The following HM13 variants were observed in gnomAD, a reference collection of about 807,000 sequenced individuals.
HM13 encodes the protein signal peptide peptidase.
A neutral mutation model predicts 50.0 loss-of-function variants in HM13; 18 were observed. The ratio of observed to expected loss-of-function variants is 0.36; its 90% CI spans 0.25 to 0.53. The LOEUF is 0.53. Among genes scored for constraint, HM13 ranks in the 20% least tolerant of loss-of-function variants. HM13 has a pLI of 0.90. For missense variants in HM13, 393 were observed against 552.4 expected (o/e 0.71, Z 2.89); for synonymous variants, 197 against 232.6 (o/e 0.85, Z 1.39).
chr20:31,569,432 A>G lies in HM13; in HGVS notation c.*213A>G. The stretch of plus-strand genomic sequence containing the variant: ...CCTCCCCACACCCTGCAGGCAAAAG[A>G]AACCCCCAGCTTCCCCCCTCCCCGG... On this transcript the variant is annotated 3_prime_UTR_variant, in exon 13 of 13. Transcript: ENST00000398174. The G allele has an allele frequency of 2.4e-6, 1 of 417,380 alleles. No homozygotes were observed. The highest frequency in any genetic ancestry group is 6.8e-5 in the South Asian group (1 of 14,692). 25.9% of individuals were successfully genotyped at this position (417,380 alleles called of 1,614,324 possible).
rs1175223434 is a variant in HM13, at chr20:31,569,203, A to C, written c.1265A>C (p.Glu422Ala). 2.5e-6 allele frequency: 4 copies of C among 1,591,462 alleles called. No individual in the cohort carries two copies. Among genetic ancestry groups the C allele is most frequent in the Non-Finnish European group, 3.4e-6 (4 of 1,168,240 alleles). ...GAGGCATCAGCATCGAAGGGGCTGG[A>C]GAAGAAAGAGAAATGATGCAGCTGG... ...GTEASASKGLEKKEK is the reference protein window; with the variant it reads ...GTEASASKGLAKKEK Residue 422 changes from glutamate (E) to alanine (A), a missense_variant, in exon 13 of 13, where the codon GAG becomes GCG. This residue lies in a region of HM13 where 105 missense variants were observed against 115.9 expected (regional missense o/e 0.91). Transcript: ENST00000398174.
At chr20:31,520,913 AG>A (rs1982116417) in intron 1 of HM13, among the ~76,000 whole-genome samples, 1 of 152,132 alleles carries the variant, frequency 6.6e-6, no homozygotes, top group Admixed American at 6.6e-5. Flanking sequence ...GTGCTCCGAG[AG>A]CTTGAACCGT....
chr20:31,545,117 C>A, intron 4 of HM13, 82 bp downstream of exon 4: 2 of 1,080,830 alleles, frequency 1.9e-6, no homozygotes, highest in South Asian at 1.3e-5. Context: ...TATTGGGGTT[C>A]TCCAATAGAG....
rs747525776 is a variant in HM13, at chr20:31,550,049, T to C, written c.667-15T>C. On this transcript the variant is annotated splice_polypyrimidine_tract_variant and intron_variant, in intron 6 of 12. Transcript: ENST00000398174. Reference sequence around the variant, plus strand: ...CCTCACTTCCCTTCATACTGCTCTTTTTTTCTCCTTCTAGGTATTTGGCAC... The same window carrying C: ...CCTCACTTCCCTTCATACTGCTCTTCTTTTCTCCTTCTAGGTATTTGGCAC... The C allele has an allele frequency of 3.9e-5, 63 of 1,609,870 alleles. No homozygotes were observed. In the East Asian group the frequency reaches 1.2e-3, roughly 30 times the overall value.
At chr20:31,520,629 G>A (rs1313142601) in intron 1 of HM13, among the ~76,000 whole-genome samples, 1 of 152,132 alleles carries the variant, frequency 6.6e-6, no homozygotes, top group Non-Finnish European at 1.5e-5. Flanking sequence ...AAGCAGATAC[G>A]TGATACAATC....
intron 7 of HM13, 132 bp from the exon 8 acceptor site, chr20:31,554,614 G>A: frequency 1.5e-6 from 1 of 652,896 alleles, no homozygotes; most frequent in Non-Finnish European, 2.6e-6. Flanking sequence ...CCCAGGAGAT[G>A]GAGCTTGCAG....
At chr20:31,547,784 A>G (rs1393433483) in intron 4 of HM13, 6 of 949,328 alleles carry the variant, frequency 6.3e-6, no homozygotes, top group Admixed American at 3.7e-5. Flanking sequence ...ATCCTGCCAC[A>G]CCAGCAGGTT....
intron 6 of HM13, 59 bp downstream of exon 6, chr20:31,549,391 C>A: frequency 1.9e-6 from 3 of 1,606,360 alleles, no homozygotes; most frequent in Non-Finnish European, 2.6e-6. Context: ...TCTCATCACC[C>A]TGCCTCTCTG....
intron 10 of HM13, among the ~76,000 whole-genome samples, chr20:31,565,296 T>C (rs1984844473): frequency 6.6e-6 from 1 of 150,438 alleles, no homozygotes; most frequent in Non-Finnish European, 1.5e-5. Context: ...ATGGCGAACG[T>C]GGTGAAACCC....
intron 9 of HM13, among the ~76,000 whole-genome samples, chr20:31,560,262 G>T (rs1175703449): frequency 6.6e-6 from 1 of 152,208 alleles, no homozygotes; most frequent in African/African-American, 2.4e-5. Context: ...CCGTCAGCAG[G>T]GGGCGCCAGC....
At chr20:31,534,217 C>G (rs1287958958) in intron 2 of HM13, among the ~76,000 whole-genome samples, 1 of 152,122 alleles carries the variant, frequency 6.6e-6, no homozygotes, top group African/African-American at 2.4e-5. Flanking sequence ...CACACAGCCA[C>G]AGAAACTATG....
chr20:31,559,612 G>T lies in HM13; in HGVS notation c.810G>T (p.Gly270=). 6.2e-7 allele frequency: 1 copy of T among 1,614,146 alleles called. No homozygotes were observed. Among genetic ancestry groups the T allele is most frequent in the Non-Finnish European group, 8.5e-7 (1 of 1,180,016 alleles). The change falls in exon 9 of 13, where the codon GGG becomes GGT. Residue 270 remains glycine (G), a splice_region_variant and synonymous_variant. Coordinates refer to ENST00000398174, the MANE Select transcript of HM13 (RefSeq NM_178581.3). ...TCTAACCCCAGCTTTCTCCCACAGG[G>T]ATCTTCATTGCCTTGCTGCTGCGCT... ...MLGLGDVVIP[G]IFIALLLRFD...
rs1985130579 is a variant in HM13 at position 31,569,320 on chromosome 20, C to G, written c.*101C>G. On this transcript the variant is annotated 3_prime_UTR_variant, in exon 13 of 13. Coordinates refer to ENST00000398174, the MANE Select transcript of HM13 (RefSeq NM_178581.3). ...AGGGCACAGGAGGCCAAGGGCAGCTCCAGGACAGGGCAGGGGGCAGCAGGA... is the reference window on the plus strand; with the variant it reads ...AGGGCACAGGAGGCCAAGGGCAGCTGCAGGACAGGGCAGGGGGCAGCAGGA... 1 of 767,102 alleles carries G rather than the reference C, an allele frequency of 1.3e-6. No homozygotes were observed. Among genetic ancestry groups the G allele is most frequent in the South Asian group, 1.6e-5 (1 of 61,128 alleles). The allele number at this position is 767,102 out of a possible 1,614,324, so 47.5% of individuals were successfully genotyped here.
chr20:31,566,483 G>A (rs1984922874), intron 11 of HM13, among the ~76,000 whole-genome samples, 188 bp downstream of exon 11: 1 of 152,020 alleles, frequency 6.6e-6, no homozygotes, highest in African/African-American at 2.4e-5. Flanking sequence ...CCTTACCCTG[G>A]GCCAGGAGCC....
chr20:31,546,311 C>T (rs551905964), intron 4 of HM13, among the ~76,000 whole-genome samples: 2 of 152,254 alleles, frequency 1.3e-5, no homozygotes, highest in South Asian at 4.1e-4. Flanking sequence ...GCTAGGATTA[C>T]AGGCGTGAGC....
At chr20:31,531,747 G>A (rs1982832057) in intron 2 of HM13, among the ~76,000 whole-genome samples, 1 of 152,022 alleles carries the variant, frequency 6.6e-6, no homozygotes, top group South Asian at 2.1e-4. Context: ...TGGTTACAGG[G>A]TATCCCCACA....
Position 31,527,567 on chromosome 20 carries a change from C to A in HM13, c.267C>A (p.Leu89=), listed in dbSNP as rs766723052. 5.6e-6 allele frequency: 9 copies of A among 1,611,010 alleles called. No individual in the cohort carries two copies. Among genetic ancestry groups the A allele is most frequent in the Non-Finnish European group, 5.1e-6 (6 of 1,178,466 alleles). ...PIIASCTLLG[L]YLFFKIFSQE... ...TCGCCAGCTGCACACTCTTGGGGCT[C>A]TACCTCTTTTTCAAAGTAAGTCTTT... is the stretch of plus-strand genomic sequence containing the variant. The change falls in exon 2 of 13, where the codon CTC becomes CTA. Residue 89 remains leucine, a synonymous_variant. Transcript: ENST00000398174.
At position 31,537,628 on chromosome 20, in the gene HM13, C is replaced by T. The variant is rs138467513; in HGVS notation, c.283-551C>T. 3.3e-4 allele frequency among the ~76,000 whole-genome samples: 50 copies of T among 152,308 alleles called. No individual in the cohort carries two copies. In the East Asian group the frequency reaches 9.1e-3, roughly 28 times the overall value. On this transcript the variant is annotated intron_variant, in intron 2 of 12. Coordinates refer to ENST00000398174, the MANE Select transcript of HM13 (RefSeq NM_178581.3). The stretch of plus-strand genomic sequence containing the variant: ...AGAATATTTCTCAAGTTTCACCTAA[C>T]GACGAAAAGACCAAGAAGCAGCTGT...
At position 31,547,310 on chromosome 20, in the gene HM13, C is replaced by T. The variant is rs575373371; in HGVS notation, c.455-1719C>T. 7.0e-5 allele frequency: 19 copies of T among 272,296 alleles called. No individual in the cohort carries two copies. In the South Asian group the frequency reaches 8.8e-4, roughly 13 times the overall value. 16.9% of individuals were successfully genotyped at this position (272,296 alleles called of 1,614,324 possible). Reference sequence around the variant, plus strand: ...CGGGCCAAGCGCAGTCGTGACGTGGCGTTCAGAGAGCGGAAGTTGTCAGAT... The same window carrying T: ...CGGGCCAAGCGCAGTCGTGACGTGGTGTTCAGAGAGCGGAAGTTGTCAGAT... On this transcript the variant is annotated intron_variant, in intron 4 of 12. Coordinates refer to ENST00000398174, the MANE Select transcript of HM13 (RefSeq NM_178581.3).
Sources: gnomAD v4.1 joint callset for allele counts (sites outside exome capture counted in the v4.1 genomes callset) on GRCh38, gnomAD v4.1.1 for gene constraint, gnomAD v4.1.1 regional missense constraint, MANE v1.5 for transcripts, NCBI Gene and HGNC (gene_info 2026-07-23, HGNC 2026-07-21) for gene names.